The following NOL4 variants were observed in gnomAD, a reference collection of about 807,000 sequenced individuals.
NOL4 encodes the protein nucleolar protein 4, also known as cancer/testis antigen 125.
Under a neutral mutation model 75.9 loss-of-function variants are expected in NOL4, and 17 were observed. That is an observed-to-expected ratio of 0.22 (90% CI 0.15 to 0.34). The LOEUF (loss-of-function observed/expected upper bound fraction) is 0.34. NOL4 is among the 10% of genes least tolerant of loss of function. NOL4 has a pLI of 1.00. For synonymous variants in NOL4, 292 were observed against 289.9 expected, an observed-to-expected ratio of 1.01 and a Z score of -0.07; for missense variants, 614 against 793.5, an observed-to-expected ratio of 0.77 and a Z score of 2.72.
At chr18:33,971,158 C>T in intron 6 of NOL4, among the ~76,000 whole-genome samples, 1 of 152,170 alleles carries the variant, frequency 6.6e-6, no homozygotes, top group East Asian at 1.9e-4. Flanking sequence ...TTTTGTTTCT[C>T]CTGTTTCCAT....
chr18:34,179,526 A>G (rs1176755780), intron 1 of NOL4, among the ~76,000 whole-genome samples: 2 of 151,604 alleles, frequency 1.3e-5, no homozygotes, highest in Admixed American at 6.6e-5. Context: ...AAAAAAAAGT[A>G]TATTACTACC....
chr18:33,901,569 G>A (rs2065750635), intron 9 of NOL4, among the ~76,000 whole-genome samples: 1 of 152,004 alleles, frequency 6.6e-6, no homozygotes, highest in Non-Finnish European at 1.5e-5. Context: ...GGATATCTGA[G>A]TCATTTTCAA....
At chr18:33,927,234 T>C (rs190491177) in intron 9 of NOL4, among the ~76,000 whole-genome samples, 10 of 152,320 alleles carry the variant, frequency 6.6e-5, no homozygotes, top group Non-Finnish European at 1.0e-4. Flanking sequence ...TTTGATCTTA[T>C]TGTAGGACTT....
At chr18:33,883,172 A>C (rs1298124663) in intron 10 of NOL4, 72 bp downstream of exon 10, 4 of 1,161,534 alleles carry the variant, frequency 3.4e-6, no homozygotes, top group Non-Finnish European at 3.7e-6. Flanking sequence ...TAACCTGCGC[A>C]ATGTGCACAT....
At chr18:33,868,388 T>G (rs2144431876) in intron 10 of NOL4, among the ~76,000 whole-genome samples, 1 of 152,116 alleles carries the variant, frequency 6.6e-6, no homozygotes, top group Middle Eastern at 3.4e-3. Flanking sequence ...AGAAAAATGG[T>G]TGGTCATATG....
intron 1 of NOL4, among the ~76,000 whole-genome samples, chr18:34,207,956 A>AAATGG (rs1386488062): frequency 6.6e-6 from 1 of 152,186 alleles, no homozygotes; most frequent in African/African-American, 2.4e-5. Context: ...CTATTAGTGA[A>AAATGG]AATGGGAGGA....
intron 1 of NOL4, among the ~76,000 whole-genome samples, chr18:34,213,664 C>T (rs946999583): frequency 3.3e-5 from 5 of 152,154 alleles, no homozygotes. Flanking sequence ...GACCCCTTCC[C>T]TTCTCTCTCA....
At chr18:33,974,423 T>G (rs2071334411) in intron 6 of NOL4, among the ~76,000 whole-genome samples, 2 of 152,116 alleles carry the variant, frequency 1.3e-5, no homozygotes, top group South Asian at 4.1e-4. Flanking sequence ...TGCTCATGAA[T>G]AATGGAGGAG....
intron 2 of NOL4, among the ~76,000 whole-genome samples, chr18:34,108,415 A>T (rs978022975): frequency 1.5e-5 from 2 of 135,198 alleles, no homozygotes; most frequent in Admixed American, 7.3e-5. Context: ...AATGAATTTA[A>T]AAAAAAAAGA....
intron 5 of NOL4, among the ~76,000 whole-genome samples, chr18:34,055,142 C>T: frequency 6.6e-6 from 1 of 151,232 alleles, no homozygotes; most frequent in South Asian, 2.1e-4. Flanking sequence ...ATGTTTTTGT[C>T]ATTTAAATTT....
At position 34,060,262 on chromosome 18, in the gene NOL4, T is replaced by C. The variant is rs1039423383; in HGVS notation, c.772+33203A>G. ...TTTCTACCAAGTGGTCATTAATGAATGTCTACTGATTGAATTAATAAATTT... is the reference window on the plus strand; with the variant it reads ...TTTCTACCAAGTGGTCATTAATGAACGTCTACTGATTGAATTAATAAATTT... On this transcript the variant is annotated intron_variant, in intron 5 of 10. Coordinates refer to ENST00000261592, the MANE Select transcript of NOL4 (RefSeq NM_003787.5). 2.0e-5 allele frequency among the ~76,000 whole-genome samples: 3 copies of C among 152,188 alleles called. No individual in the cohort carries two copies. The East Asian group carries it at 5.8e-4, about 29-fold the overall frequency.
intron 5 of NOL4, among the ~76,000 whole-genome samples, chr18:34,057,108 CAG>C (rs2076864111): frequency 6.6e-6 from 1 of 152,100 alleles, no homozygotes; most frequent in Admixed American, 6.5e-5. Flanking sequence ...GGCTTAGAAA[CAG>C]GGCAATTCTA....
At chr18:34,069,521 A>C (rs2077420659) in intron 5 of NOL4, among the ~76,000 whole-genome samples, 1 of 152,184 alleles carries the variant, frequency 6.6e-6, no homozygotes, top group South Asian at 2.1e-4. Flanking sequence ...CTGATGAAAA[A>C]TATCAACCCA....
At chr18:34,027,689 G>T (rs2075413834) in intron 5 of NOL4, among the ~76,000 whole-genome samples, 1 of 152,084 alleles carries the variant, frequency 6.6e-6, no homozygotes, top group East Asian at 1.9e-4. Context: ...TTCCCAAATG[G>T]TCATAGGTAG....
At chr18:34,116,461 C>G (rs1349385783) in intron 2 of NOL4, among the ~76,000 whole-genome samples, 1 of 152,154 alleles carries the variant, frequency 6.6e-6, no homozygotes, top group Admixed American at 6.5e-5. Context: ...CTAGCCTTCG[C>G]CTTTAACACA....
chr18:34,089,686 T>TA (rs1444779163), intron 5 of NOL4, among the ~76,000 whole-genome samples: 1 of 152,142 alleles, frequency 6.6e-6, no homozygotes, highest in East Asian at 1.9e-4. Flanking sequence ...CAACTTAGGG[T>TA]AATTTTGTCC....
At chr18:34,205,325 T>TTCATGAGTTCCCGA (rs1416854556) in intron 1 of NOL4, among the ~76,000 whole-genome samples, 2 of 152,112 alleles carry the variant, frequency 1.3e-5, no homozygotes, top group Non-Finnish European at 1.5e-5. Flanking sequence ...AGCCTAGATA[T>TTCATGAGTTCCCGA]TCATGAGTTC....
chr18:34,072,321 AC>A (rs1376156939), intron 5 of NOL4, among the ~76,000 whole-genome samples: 2 of 152,206 alleles, frequency 1.3e-5, no homozygotes, highest in African/African-American at 4.8e-5. Flanking sequence ...TTAGCATCAG[AC>A]AAAGCAGATT....
At chr18:33,967,686 C>T (rs1010769836) in intron 6 of NOL4, among the ~76,000 whole-genome samples, 1 of 152,140 alleles carries the variant, frequency 6.6e-6, no homozygotes, top group Non-Finnish European at 1.5e-5. Context: ...AGAAGACTTA[C>T]AAGTGGCTAA....
Sources: allele counts gnomAD v4.1 joint callset (sites outside exome capture counted in the v4.1 genomes callset), GRCh38; gene constraint gnomAD v4.1.1; transcripts MANE v1.5; gene names NCBI Gene and HGNC (gene_info 2026-07-23, HGNC 2026-07-21).